The following ANTXR1 variants were observed in gnomAD, a reference collection of about 807,000 sequenced individuals.
ANTXR1 encodes the protein ANTXR cell adhesion molecule 1.
In ANTXR1, 19 loss-of-function variants were observed where a neutral mutation model predicts 78.1. The ratio of observed to expected loss-of-function variants is 0.24; its 90% CI spans 0.17 to 0.36. ANTXR1 has a LOEUF of 0.36. Ranked by LOEUF, ANTXR1 falls within the 10% of genes least tolerant of loss-of-function variation. The pLI is 1.00. For missense variants in ANTXR1, 518 were observed against 718.6 expected (o/e 0.72, Z 3.19); for synonymous variants, 273 against 260.5 (o/e 1.05, Z -0.46).
chr2:69,119,623 G>A (rs375490701), intron 10 of ANTXR1, among the ~76,000 whole-genome samples: 5 of 152,146 alleles, frequency 3.3e-5, no homozygotes, highest in Non-Finnish European at 5.9e-5. Flanking sequence ...CTGTCATCCC[G>A]CTCAGCCTCC....
At chr2:69,133,220 C>A (rs1672809249) in intron 12 of ANTXR1, among the ~76,000 whole-genome samples, 1 of 152,218 alleles carries the variant, frequency 6.6e-6, no homozygotes, top group East Asian at 1.9e-4. Context: ...TTTTCCCCAA[C>A]AAGGATCTCC....
chr2:69,215,519 A>G (rs1032808443), intron 17 of ANTXR1, among the ~76,000 whole-genome samples: 6 of 152,264 alleles, frequency 3.9e-5, no homozygotes, highest in African/African-American at 1.4e-4. Flanking sequence ...TGGGGCATAG[A>G]CATCATCTGG....
chr2:69,039,942 T>C, intron 1 of ANTXR1, 102 bp from the exon 2 acceptor site: 3 of 943,152 alleles, frequency 3.2e-6, no homozygotes, highest in Non-Finnish European at 5.1e-6. Context: ...AGTCCAGTTA[T>C]TGGAGAGGTC....
At chr2:69,162,836 G>T (rs1018478245) in intron 13 of ANTXR1, among the ~76,000 whole-genome samples, 3 of 151,992 alleles carry the variant, frequency 2.0e-5, no homozygotes, top group African/African-American at 7.2e-5. Flanking sequence ...ATGGAATTTT[G>T]GCCCATGAAA....
chr2:69,035,613 T>C (rs1336351889), intron 1 of ANTXR1, among the ~76,000 whole-genome samples: 1 of 152,230 alleles, frequency 6.6e-6, no homozygotes, highest in Non-Finnish European at 1.5e-5. Flanking sequence ...AGGCAGGCTA[T>C]GTACATCTCC....
At chr2:69,177,116 A>G (rs567066984) in intron 14 of ANTXR1, among the ~76,000 whole-genome samples, 2 of 152,344 alleles carry the variant, frequency 1.3e-5, no homozygotes, top group African/African-American at 4.8e-5. Flanking sequence ...TAACAGTTAA[A>G]CGTGTTGAGT....
intron 14 of ANTXR1, chr2:69,172,359 T>C: frequency 6.2e-7 from 1 of 1,611,212 alleles, no homozygotes. Context: ...CCTAATGTAT[T>C]TTGGCAGGAA....
intron 12 of ANTXR1, among the ~76,000 whole-genome samples, chr2:69,131,984 G>C (rs1282168227): frequency 5.3e-5 from 8 of 152,154 alleles, no homozygotes; most frequent in Non-Finnish European, 1.5e-5. Flanking sequence ...GTGCAGACTT[G>C]GTAGAAGGGT....
intron 1 of ANTXR1, among the ~76,000 whole-genome samples, chr2:69,019,168 T>A (rs1671110643): frequency 1.3e-5 from 2 of 152,236 alleles, no homozygotes; most frequent in African/African-American, 4.8e-5. Flanking sequence ...GATGGCTTAG[T>A]GTCTGCAAAA....
rs115003381 is a variant in ANTXR1 at position 69,146,588 on chromosome 2, G to A, written c.952-5581G>A. ...CACTGAGAGTCTGCTGGGCTGGACA[G>A]GTCAGCTTCCGCTGTCATCTGCGTC... On this transcript the variant is annotated intron_variant, in intron 12 of 17. Coordinates refer to ENST00000303714, the MANE Select transcript of ANTXR1 (RefSeq NM_032208.3). Among the ~76,000 whole-genome samples the A allele has an allele frequency of 2.8e-3, 427 of 152,350 alleles. 1 individual carries two copies. Among genetic ancestry groups the A allele is most frequent in the Middle Eastern group, 0.02 (6 of 294 alleles).
At chr2:69,142,600 G>A (rs1244523964) in intron 12 of ANTXR1, among the ~76,000 whole-genome samples, 1 of 152,162 alleles carries the variant, frequency 6.6e-6, no homozygotes, top group African/African-American at 2.4e-5. Context: ...TTATGCTCTT[G>A]TTCTCCAGTA....
chr2:69,041,890 T>C (rs928025800), intron 2 of ANTXR1, among the ~76,000 whole-genome samples: 1 of 152,186 alleles, frequency 6.6e-6, no homozygotes, highest in Non-Finnish European at 1.5e-5. Flanking sequence ...TGCTTGGCCA[T>C]GGAGCCCCTC....
At chr2:69,210,605 T>A (rs1210666033) in intron 17 of ANTXR1, among the ~76,000 whole-genome samples, 1 of 152,126 alleles carries the variant, frequency 6.6e-6, no homozygotes, top group Non-Finnish European at 1.5e-5. Flanking sequence ...AGTTACACAC[T>A]CCTTAGTAGG....
At chr2:69,145,065 T>C (rs1482680353) in intron 12 of ANTXR1, among the ~76,000 whole-genome samples, 1 of 152,206 alleles carries the variant, frequency 6.6e-6, no homozygotes, top group Non-Finnish European at 1.5e-5. Context: ...TTGCCTTTAT[T>C]ACTGTGAGTT....
chr2:69,026,262 A>G (rs1010049764), intron 1 of ANTXR1, among the ~76,000 whole-genome samples: 2 of 152,234 alleles, frequency 1.3e-5, no homozygotes, highest in African/African-American at 4.8e-5. Flanking sequence ...CTCTAAGTCT[A>G]GACCACCTGG....
intron 17 of ANTXR1, among the ~76,000 whole-genome samples, chr2:69,235,945 C>G (rs566140365): frequency 1.3e-5 from 2 of 152,208 alleles, no homozygotes; most frequent in African/African-American, 4.8e-5. Context: ...GAAGGGGAAG[C>G]AAATATATCT....
intron 12 of ANTXR1, among the ~76,000 whole-genome samples, chr2:69,148,971 A>G (rs1212278137): frequency 6.6e-6 from 1 of 152,236 alleles, no homozygotes; most frequent in Non-Finnish European, 1.5e-5. Context: ...GAATGAATAA[A>G]TGAATGAACC....
chr2:69,134,525 C>A (rs1672856659), intron 12 of ANTXR1, among the ~76,000 whole-genome samples: 1 of 152,192 alleles, frequency 6.6e-6, no homozygotes, highest in African/African-American at 2.4e-5. Flanking sequence ...ATGTAATCAC[C>A]ATTCATGCCT....
chr2:69,214,067 T>C (rs1675117508), intron 17 of ANTXR1, among the ~76,000 whole-genome samples: 1 of 152,214 alleles, frequency 6.6e-6, no homozygotes, highest in African/African-American at 2.4e-5. Context: ...GCCTCCACAC[T>C]GAGTCACAGC....
Sources: allele counts gnomAD v4.1 joint callset (sites outside exome capture counted in the v4.1 genomes callset), GRCh38; gene constraint gnomAD v4.1.1; transcripts MANE v1.5; gene names NCBI Gene and HGNC (gene_info 2026-07-23, HGNC 2026-07-21).